CNNM1: variants seen among roughly 807,000 people sequenced by gnomAD.
CNNM1 encodes cyclin and CBS domain divalent metal cation transport mediator 1.
CNNM1 carries 44 observed loss-of-function variants against 78.8 expected under a neutral mutation model. The observed-to-expected ratio is 0.56, with a 90% CI of 0.44 to 0.72. The LOEUF is 0.72. Among genes scored for constraint, CNNM1 ranks in the 30% least tolerant of loss-of-function variants. CNNM1 has a pLI of 0.00. For synonymous variants in CNNM1, 584 were observed against 581.5 expected, an observed-to-expected ratio of 1.00 and a Z score of -0.06; for missense variants, 1,101 against 1,292.2, an observed-to-expected ratio of 0.85 and a Z score of 2.27.
chr10:99,382,202 A>G (rs2032183224), intron 7 of CNNM1, among the ~76,000 whole-genome samples: 1 of 152,250 alleles, frequency 6.6e-6, no homozygotes. Context: ...TTACAAAATG[A>G]GATAGAAAGG....
At chr10:99,341,701 CTG>C (rs1311254805) in intron 1 of CNNM1, among the ~76,000 whole-genome samples, 1 of 152,212 alleles carries the variant, frequency 6.6e-6, no homozygotes, top group Non-Finnish European at 1.5e-5. Context: ...GGAGCCGACA[CTG>C]TGTCTGAACG....
At chr10:99,390,217 C>G in intron 9 of CNNM1, 89 bp from the exon 10 acceptor site, 1 of 935,276 alleles carries the variant, frequency 1.1e-6, no homozygotes. Flanking sequence ...ACTTCACTTG[C>G]TGAGGGATGT....
In CNNM1 at chr10:99,329,621, A is replaced by G. The variant is rs749661449; in HGVS notation, c.234A>G (p.Pro78=). The change falls in exon 1 of 11, where the codon CCA becomes CCG. Residue 78 remains proline (P), a synonymous_variant. Transcript: ENST00000356713. ...TSFLLRVYFQ[P]GPPATAAPVP... ...TCCTCCTGCGTGTCTATTTCCAGCC[A>G]GGACCGCCGGCCACCGCCGCACCGG... is the stretch of plus-strand genomic sequence containing the variant. 2.0e-6 allele frequency: 3 copies of G among 1,508,630 alleles called. No individual in the cohort carries two copies. In the South Asian group the frequency reaches 3.8e-5, roughly 19 times the overall value. The allele number at this position is 1,508,630 out of a possible 1,614,324, so 93.5% of individuals were successfully genotyped here.
intron 7 of CNNM1, among the ~76,000 whole-genome samples, chr10:99,385,636 G>A (rs1259277628): frequency 6.6e-6 from 1 of 152,180 alleles, no homozygotes; most frequent in Admixed American, 6.5e-5. Flanking sequence ...TTCATATAAT[G>A]GATTCACTCA....
Position 99,330,476 on chromosome 10 carries a change from G to A in CNNM1, c.1089G>A (p.Arg363=). Residue 363 remains arginine (R), a synonymous_variant, in exon 1 of 11, where the codon CGG becomes CGA. Transcript: ENST00000356713. The stretch of plus-strand genomic sequence containing the variant: ...CCTCGCACAGCGTGTGCCTGACCCG[G>A]CTTCTGATGGCAGCCGCCTTCCCCG... ...AIASHSVCLT[R]LLMAAAFPVC... 6.3e-7 allele frequency: 1 copy of A among 1,586,534 alleles called. No individual in the cohort carries two copies. Among genetic ancestry groups the A allele is most frequent in the East Asian group, 2.3e-5 (1 of 43,262 alleles).
chr10:99,356,564 G>GAAAGAA (rs1554940028), intron 1 of CNNM1, among the ~76,000 whole-genome samples: 1 of 98,186 alleles, frequency 1.0e-5, no homozygotes, highest in African/African-American at 4.2e-5. Context: ...CAGACAGACA[G>GAAAGAA]AAAGAAAGAA....
chr10:99,364,175 T>C (rs2031531730), intron 4 of CNNM1, among the ~76,000 whole-genome samples: 1 of 152,228 alleles, frequency 6.6e-6, no homozygotes, highest in South Asian at 2.1e-4. Context: ...CAAGGACAGC[T>C]TGGTTATTCA....
Position 99,330,236 on chromosome 10 carries a change from C to A in CNNM1, c.849C>A (p.Leu283=). The A allele has an allele frequency of 6.5e-7, 1 of 1,537,670 alleles. No individual in the cohort carries two copies. The highest frequency in any genetic ancestry group is 8.7e-7 in the Non-Finnish European group (1 of 1,143,894). The change falls in exon 1 of 11, where the codon CTC becomes CTA. Residue 283 remains leucine (L), a synonymous_variant. Transcript: ENST00000356713. ...QAVRGRGTHL[L]CTLLLGQAGA... ...TTCGCGGCAGGGGGACCCATCTGCT[C>A]TGCACCCTACTCCTGGGCCAAGCCG...
chr10:99,349,891 C>T (rs781399728), intron 1 of CNNM1, among the ~76,000 whole-genome samples: 6 of 152,040 alleles, frequency 3.9e-5, no homozygotes, highest in African/African-American at 9.7e-5. Context: ...CCCAGCTACT[C>T]GGGAGGCTGA....
At chr10:99,364,051 A>T (rs952424661) in intron 4 of CNNM1, among the ~76,000 whole-genome samples, 2 of 152,016 alleles carry the variant, frequency 1.3e-5, no homozygotes, top group Non-Finnish European at 2.9e-5. Flanking sequence ...CCTAGATTTT[A>T]TCTTGACCTG....
At chr10:99,344,127 G>A (rs1197772747) in intron 1 of CNNM1, among the ~76,000 whole-genome samples, 9 of 148,802 alleles carry the variant, frequency 6.0e-5, no homozygotes, top group Admixed American at 2.7e-4. Flanking sequence ...GAGGTCAGGC[G>A]TTCAAGACCA....
intron 1 of CNNM1, among the ~76,000 whole-genome samples, chr10:99,351,994 A>G (rs1321559795): frequency 6.6e-6 from 1 of 152,190 alleles, no homozygotes; most frequent in African/African-American, 2.4e-5. Flanking sequence ...GGATTCACGT[A>G]CCATAAAACT....
intron 1 of CNNM1, among the ~76,000 whole-genome samples, chr10:99,344,451 C>G (rs771634262): frequency 4.6e-5 from 7 of 152,136 alleles, no homozygotes; most frequent in Non-Finnish European, 1.0e-4. Flanking sequence ...CCTCTTACCT[C>G]CCTGATCTAG....
At chr10:99,365,414 A>G (rs1283976734) in intron 6 of CNNM1, among the ~76,000 whole-genome samples, 1 of 152,212 alleles carries the variant, frequency 6.6e-6, no homozygotes, top group African/African-American at 2.4e-5. Flanking sequence ...GTTTGTCCTC[A>G]GTAAGAAGTG....
At chr10:99,369,072 A>G (rs1168852588) in intron 6 of CNNM1, among the ~76,000 whole-genome samples, 1 of 152,196 alleles carries the variant, frequency 6.6e-6, no homozygotes, top group Non-Finnish European at 1.5e-5. Context: ...CCATGTCCTC[A>G]TCTTCCTAAT....
rs537460093 is a variant in CNNM1, at chr10:99,337,159, C to G, written c.1573+6199C>G. On this transcript the variant is annotated intron_variant, in intron 1 of 10. Coordinates refer to ENST00000356713, the MANE Select transcript of CNNM1 (RefSeq NM_020348.3). ...TAGCTATGATTATTAAATATAAACA[C>G]AAGTCTATTACTCATTTATGCAAAT... Among the ~76,000 whole-genome samples the G allele has an allele frequency of 2.6e-3, 393 of 152,294 alleles. 1 individual carries two copies. The highest frequency in any genetic ancestry group is 4.0e-3 in the Non-Finnish European group (273 of 68,012).
chr10:99,329,489 G>C lies in CNNM1; in HGVS notation c.102G>C (p.Arg34=), dbSNP rs1564933412. ...VLLLFFSLSP[R]PPAAAAWLLG... The stretch of plus-strand genomic sequence containing the variant: ...TGCTCTTCTTTTCCCTGTCTCCTCG[G>C]CCCCCGGCCGCCGCCGCCTGGCTGC... Residue 34 remains arginine, a synonymous_variant, in exon 1 of 11, where the codon CGG becomes CGC. Coordinates refer to ENST00000356713, the MANE Select transcript of CNNM1 (RefSeq NM_020348.3). 2 of 1,501,232 alleles carry C rather than the reference G, an allele frequency of 1.3e-6. No homozygotes were observed. Among genetic ancestry groups the C allele is most frequent in the African/African-American group, 1.4e-5 (1 of 69,246 alleles). 93.0% of individuals were successfully genotyped at this position (1,501,232 alleles called of 1,614,324 possible). A position where few individuals can be genotyped will look rare whatever the true frequency, so the allele number is the denominator to read the frequency against.
chr10:99,381,654 A>G (rs1392266427), intron 7 of CNNM1, among the ~76,000 whole-genome samples: 1 of 151,454 alleles, frequency 6.6e-6, no homozygotes, highest in Non-Finnish European at 1.5e-5. Context: ...AGGCAGGAGA[A>G]TTGCTTGAAC....
Position 99,362,398 on chromosome 10 carries a change from T to G in CNNM1, c.2028+2T>G, listed in dbSNP as rs1181173887. The G allele has an allele frequency of 6.2e-7, 1 of 1,606,728 alleles. No homozygotes were observed. The highest frequency in any genetic ancestry group is 1.7e-5 in the Admixed American group (1 of 59,010). The stretch of plus-strand genomic sequence containing the variant: ...GACTACTTTGTGCTGCTTCTACAGG[T>G]GAGTAGGAAAGTCAGGGAACCTCTG... On this transcript the variant is annotated splice_donor_variant, in intron 4 of 10. Transcript: ENST00000356713. LOFTEE classifies it high-confidence loss of function.
Sources: allele counts gnomAD v4.1 joint callset (sites outside exome capture counted in the v4.1 genomes callset), GRCh38; gene constraint gnomAD v4.1.1; transcripts MANE v1.5; gene names NCBI Gene and HGNC (gene_info 2026-07-23, HGNC 2026-07-21).